Variants in TRPM7 observed in about 807,000 individuals in gnomAD.
TRPM7 encodes transient receptor potential cation channel subfamily M member 7.
A neutral mutation model predicts 229.7 loss-of-function variants in TRPM7; 134 were observed. That is an observed-to-expected ratio of 0.58 (90% CI 0.51 to 0.67). The LOEUF (loss-of-function observed/expected upper bound fraction) is 0.67, where lower values mean the gene tolerates loss of function less well. TRPM7 is among the 30% of genes least tolerant of loss of function. The pLI is 0.00. For missense variants in TRPM7, 1,901 were observed against 2,210.0 expected (o/e 0.86, Z 2.80); for synonymous variants, 699 against 715.2 (o/e 0.98, Z 0.36).
At position 50,686,621 on chromosome 15, in the gene TRPM7, G is replaced by A; in HGVS notation, c.-88C>T. 1 of 1,561,394 alleles carries A rather than the reference G, an allele frequency of 6.4e-7. No homozygotes were observed. Among genetic ancestry groups the A allele is most frequent in the Non-Finnish European group, 8.7e-7 (1 of 1,153,894 alleles). The stretch of plus-strand genomic sequence containing the variant: ...AGCCATCTATCGGGAAGCGTCTCCG[G>A]AGGCGGCAGCAGAGGCCGCCGGACA... On this transcript the variant is annotated 5_prime_UTR_variant, in exon 1 of 39. Coordinates refer to ENST00000646667, the MANE Select transcript of TRPM7 (RefSeq NM_017672.6).
chr15:50,661,861 T>C (rs1428735821), intron 2 of TRPM7, among the ~76,000 whole-genome samples: 1 of 152,176 alleles, frequency 6.6e-6, no homozygotes, highest in Non-Finnish European at 1.5e-5. Context: ...AAGTGCTCTA[T>C]AGGTTAGGAA....
intron 21 of TRPM7, among the ~76,000 whole-genome samples, chr15:50,601,610 C>T (rs2059782508): frequency 1.3e-5 from 2 of 151,776 alleles, no homozygotes; most frequent in Non-Finnish European, 2.9e-5. Flanking sequence ...CCACTGAACT[C>T]CAGCCTGGGT....
intron 6 of TRPM7, among the ~76,000 whole-genome samples, chr15:50,637,967 G>A (rs1021183508): frequency 2.0e-5 from 3 of 152,236 alleles, no homozygotes; most frequent in Middle Eastern, 3.4e-3. Context: ...ATGTGATCCC[G>A]TCACTTTGGG....
At chr15:50,657,086 G>A (rs1430298901) in intron 3 of TRPM7, among the ~76,000 whole-genome samples, 2 of 152,144 alleles carry the variant, frequency 1.3e-5, no homozygotes, top group African/African-American at 4.8e-5. Flanking sequence ...CACTTTGGGA[G>A]GCCGAGGCGG....
chr15:50,643,011 G>C (rs2061148534), intron 5 of TRPM7, among the ~76,000 whole-genome samples: 1 of 152,116 alleles, frequency 6.6e-6, no homozygotes, highest in Non-Finnish European at 1.5e-5. Flanking sequence ...AAATTTAAGG[G>C]CCGGGCGTGG....
At chr15:50,612,210 C>T (rs891266142) in intron 16 of TRPM7, among the ~76,000 whole-genome samples, 2 of 152,160 alleles carry the variant, frequency 1.3e-5, no homozygotes, top group African/African-American at 4.8e-5. Context: ...TCCACCTCAG[C>T]CTCCTGAGTA....
intron 1 of TRPM7, among the ~76,000 whole-genome samples, chr15:50,670,605 G>A (rs1011774647): frequency 6.6e-6 from 1 of 151,992 alleles, no homozygotes; most frequent in African/African-American, 2.4e-5. Flanking sequence ...AAAAAGAGGA[G>A]GAACCCTCAG....
intron 10 of TRPM7, among the ~76,000 whole-genome samples, chr15:50,630,283 A>T (rs1019072339): frequency 1.3e-5 from 2 of 151,958 alleles, no homozygotes; most frequent in African/African-American, 4.8e-5. Context: ...ATTTTATCAC[A>T]GTATTTTAAA....
intron 27 of TRPM7, among the ~76,000 whole-genome samples, chr15:50,586,743 G>A (rs936536614): frequency 6.6e-6 from 1 of 152,144 alleles, no homozygotes; most frequent in African/African-American, 2.4e-5. Flanking sequence ...CTCAGACTGG[G>A]CATGGTGACT....
intron 36 of TRPM7, among the ~76,000 whole-genome samples, chr15:50,572,277 C>A (rs1162084494): frequency 6.6e-6 from 1 of 152,150 alleles, no homozygotes; most frequent in African/African-American, 2.4e-5. Flanking sequence ...CAGAAAGAGA[C>A]CCTGCCTCTA....
chr15:50,604,979 C>T lies in TRPM7; in HGVS notation c.2875G>A (p.Val959Met). 1 of 1,613,916 alleles carries T rather than the reference C, an allele frequency of 6.2e-7. No individual in the cohort carries two copies. Among genetic ancestry groups the T allele is most frequent in the Middle Eastern group, 1.7e-4 (1 of 6,058 alleles). The change falls in exon 21 of 39, where the codon GTG becomes ATG. Residue 959 changes from valine to methionine, a missense_variant. Physicochemically the swap from Val to Met is conservative, Grantham distance 21. Transcript: ENST00000646667. ...FANAYDNHVF[V>M]AGRLIYCLNI... Reference sequence around the variant, plus strand: ...AGACAGTAAATTAATCTTCCAGCCACAAAAACATGATTATCATATGCATTT... The same window carrying T: ...AGACAGTAAATTAATCTTCCAGCCATAAAAACATGATTATCATATGCATTT...
At chr15:50,604,660 CATT>C (rs1433118420) in intron 21 of TRPM7, 3 of 425,596 alleles carry the variant, frequency 7.0e-6, no homozygotes, top group Non-Finnish European at 1.2e-5. Flanking sequence ...GTATAGCTAA[CATT>C]ATCTTGCAAA....
At position 50,686,543 on chromosome 15, in the gene TRPM7, G is replaced by A; in HGVS notation, c.-10C>T. 6.2e-7 allele frequency: 1 copy of A among 1,610,844 alleles called. No individual in the cohort carries two copies. Among genetic ancestry groups the A allele is most frequent in the East Asian group, 2.3e-5 (1 of 44,176 alleles). ...GTGGGTCCAGTACCATTCTCCTCAC[G>A]GGGCGGACTCCGGAAGGGCAGCAAC... On this transcript the variant is annotated 5_prime_UTR_variant, in exon 1 of 39. Coordinates refer to ENST00000646667, the MANE Select transcript of TRPM7 (RefSeq NM_017672.6).
intron 11 of TRPM7, among the ~76,000 whole-genome samples, chr15:50,627,549 T>A (rs1034796403): frequency 6.6e-6 from 1 of 152,178 alleles, no homozygotes; most frequent in East Asian, 1.9e-4. Flanking sequence ...CATGTAAGGC[T>A]CTGGGTTATG....
intron 1 of TRPM7, among the ~76,000 whole-genome samples, chr15:50,664,565 TAA>T (rs978137710): frequency 2.0e-5 from 3 of 152,030 alleles, no homozygotes; most frequent in South Asian, 4.1e-4. Context: ...ATTAACCAAA[TAA>T]AAGTTTCAAA....
At chr15:50,677,894 G>A (rs940905471) in intron 1 of TRPM7, among the ~76,000 whole-genome samples, 4 of 151,770 alleles carry the variant, frequency 2.6e-5, no homozygotes, top group African/African-American at 9.7e-5. Context: ...AAAAGAAATT[G>A]CCTACTAATA....
intron 31 of TRPM7, among the ~76,000 whole-genome samples, chr15:50,577,703 C>G (rs986861572): frequency 3.3e-5 from 5 of 152,160 alleles, no homozygotes; most frequent in African/African-American, 4.8e-5. Context: ...AGCAATTCCA[C>G]TCCTAGGCAT....
intron 3 of TRPM7, among the ~76,000 whole-genome samples, chr15:50,650,978 CAGG>C (rs1461247283): frequency 6.6e-6 from 1 of 152,112 alleles, no homozygotes. Context: ...TGCTTGAGCC[CAGG>C]AGTTTAGACC....
intron 3 of TRPM7, among the ~76,000 whole-genome samples, chr15:50,656,805 T>G (rs1240125875): frequency 6.6e-6 from 1 of 152,160 alleles, no homozygotes; most frequent in African/African-American, 2.4e-5. Context: ...TTTACTCAGT[T>G]GCCTAAGAAG....
Sources: gnomAD v4.1 joint callset for allele counts (sites outside exome capture counted in the v4.1 genomes callset) on GRCh38, gnomAD v4.1.1 for gene constraint, MANE v1.5 for transcripts, NCBI Gene and HGNC (gene_info 2026-07-23, HGNC 2026-07-21) for gene names.